SETD5: variants seen among roughly 807,000 people sequenced by gnomAD.
The protein encoded by SETD5 is SET domain containing 5, also known as histone-lysine N-methyltransferase SETD5.
A neutral mutation model predicts 153.3 loss-of-function variants in SETD5; 44 were observed. The ratio of observed to expected loss-of-function variants is 0.29; its 90% confidence interval spans 0.23 to 0.37. The LOEUF (loss-of-function observed/expected upper bound fraction) is 0.37. SETD5 is among the 10% of genes least tolerant of loss of function. The pLI is 1.00. For missense variants in SETD5, 1,544 were observed against 1,768.0 expected, an observed-to-expected ratio of 0.87 and a Z score of 2.27; for synonymous variants, 716 against 645.2, an observed-to-expected ratio of 1.11 and a Z score of -1.66.
At chr3:9,435,112 G>A (rs1464411982) in intron 6 of SETD5, among the ~76,000 whole-genome samples, 2 of 151,956 alleles carry the variant, frequency 1.3e-5, no homozygotes, top group Admixed American at 6.5e-5. Flanking sequence ...GTGTGGTGGC[G>A]CATGCCTGTA....
chr3:9,431,240 A>G, intron 3 of SETD5: 2 of 985,392 alleles, frequency 2.0e-6, no homozygotes, highest in Non-Finnish European at 2.4e-6. Flanking sequence ...CTCTACCATA[A>G]CAGAATTTCA....
intron 17 of SETD5, among the ~76,000 whole-genome samples, chr3:9,463,014 G>C (rs1387969980): frequency 6.8e-6 from 1 of 145,988 alleles, no homozygotes; most frequent in Non-Finnish European, 1.5e-5. Context: ...CACTTTTTTT[G>C]TTGTGTCGTT....
intron 1 of SETD5, among the ~76,000 whole-genome samples, chr3:9,419,240 CCT>C (rs1267330266): frequency 6.6e-6 from 1 of 152,160 alleles, no homozygotes; most frequent in East Asian, 1.9e-4. Flanking sequence ...ATAAAATAAA[CCT>C]CTTAAAATAG....
intron 13 of SETD5, 137 bp from the exon 14 acceptor site, chr3:9,446,912 CT>C: frequency 4.9e-6 from 3 of 611,304 alleles, no homozygotes; most frequent in Non-Finnish European, 8.5e-6. Context: ...TTTTAATCTT[CT>C]GTTTTCCAAG....
At chr3:9,412,033 T>G (rs774824063) in intron 1 of SETD5, among the ~76,000 whole-genome samples, 3 of 152,112 alleles carry the variant, frequency 2.0e-5, no homozygotes, top group African/African-American at 7.2e-5. Context: ...GAAATTGTAT[T>G]ATTTGTTGTG....
chr3:9,404,668 A>C lies in SETD5; in HGVS notation c.-177+6691A>C, dbSNP rs112862276. 4.8e-3 allele frequency among the ~76,000 whole-genome samples: 730 copies of C among 152,338 alleles called. 11 individuals are homozygous for C. The highest frequency in any genetic ancestry group is 0.017 in the African/African-American group (703 of 41,556). On this transcript the variant is annotated intron_variant, in intron 1 of 22. Coordinates refer to ENST00000402198, the MANE Select transcript of SETD5 (RefSeq NM_001080517.3). The stretch of plus-strand genomic sequence containing the variant: ...CTATGACCCACATTGCCAGTATTAA[A>C]CATCCTTTACACCCTCCCCCTTCCC...
intron 1 of SETD5, among the ~76,000 whole-genome samples, chr3:9,412,655 CAT>C (rs896889059): frequency 2.0e-5 from 3 of 151,602 alleles, no homozygotes; most frequent in African/African-American, 7.3e-5. Context: ...CAAGTGGTCT[CAT>C]ACCTCAGCCT....
At position 9,447,967 on chromosome 3, in the gene SETD5, T is replaced by A; in HGVS notation, c.2064T>A (p.His688Gln). 6.2e-7 allele frequency: 1 copy of A among 1,613,824 alleles called. No homozygotes were observed. The part of the protein sequence containing the change: ...DPTVVSITGS[H>Q]VNRAASKYPK... ...CTGTGGTGTCAATTACTGGATCCCA[T>A]GTCAACCGTGCTGCATCTAAATACC... Residue 688 changes from histidine (H) to glutamine (Q), a missense_variant, in exon 15 of 23, where the codon CAT (histidine) becomes CAA (glutamine). Around this residue, in one of 9 missense-constraint regions of SETD5, gnomAD observed 782 missense variants for 787.2 expected, o/e 0.99. Transcript: ENST00000402198.
chr3:9,452,780 A>G (rs1013068778), intron 16 of SETD5, among the ~76,000 whole-genome samples: 10 of 149,350 alleles, frequency 6.7e-5, no homozygotes, highest in African/African-American at 1.2e-4. Context: ...CCTGTAATAC[A>G]TGTTCTCTAA....
At chr3:9,467,423 C>A (rs1011908510) in intron 18 of SETD5, among the ~76,000 whole-genome samples, 1 of 151,906 alleles carries the variant, frequency 6.6e-6, no homozygotes, top group Non-Finnish European at 1.5e-5. Flanking sequence ...TTAGCCTCTC[C>A]TTTCTACCAG....
intron 10 of SETD5, 147 bp downstream of exon 10, chr3:9,442,392 G>C: frequency 3.1e-6 from 2 of 650,828 alleles, no homozygotes; most frequent in Non-Finnish European, 5.4e-6. Flanking sequence ...AAAAGTAATG[G>C]TGCTTTTATA....
chr3:9,475,036 G>C (rs1272454975), intron 21 of SETD5, 32 bp from the exon 22 acceptor site: 1 of 1,537,584 alleles, frequency 6.5e-7, no homozygotes, highest in African/African-American at 1.4e-5. Flanking sequence ...AAGAAGCCAA[G>C]TTGATTTTTT....
chr3:9,455,260 C>T (rs1024942831), intron 17 of SETD5, among the ~76,000 whole-genome samples: 1 of 149,458 alleles, frequency 6.7e-6, no homozygotes, highest in African/African-American at 2.5e-5. Flanking sequence ...CGCCCGCCAC[C>T]TCACCCGGCA....
At chr3:9,443,463 A>G (rs936639452) in intron 11 of SETD5, 46 bp downstream of exon 11, 4 of 1,037,662 alleles carry the variant, frequency 3.9e-6, no homozygotes, top group African/African-American at 3.3e-5. Flanking sequence ...CATGTCTTAC[A>G]TATTAAGCTA....
chr3:9,431,221 A>T (rs1191813828), intron 3 of SETD5: 5 of 985,278 alleles, frequency 5.1e-6, no homozygotes, highest in Non-Finnish European at 6.0e-6. Context: ...GATTTTTCTG[A>T]ATTTCCAACT....
intron 1 of SETD5, among the ~76,000 whole-genome samples, chr3:9,407,782 C>T (rs901626098): frequency 3.3e-5 from 5 of 152,118 alleles, no homozygotes; most frequent in Non-Finnish European, 7.4e-5. Flanking sequence ...GGGCAGATCA[C>T]CTGAGGTCTG....
At position 9,434,123 on chromosome 3, in the gene SETD5, C is replaced by T. The variant is rs1032271253; in HGVS notation, c.177+173C>T. The stretch of plus-strand genomic sequence containing the variant: ...TGCATCATTGTTCTTGTTTTTATGT[C>T]CCAGTTGACCTTGGCATTTTGTTTT... On this transcript the variant is annotated intron_variant, in intron 4 of 22. Coordinates refer to ENST00000402198, the MANE Select transcript of SETD5 (RefSeq NM_001080517.3). This position sits in a 1 kb window ranked among gnomAD's most constrained non-coding sequence, Gnocchi z 5.6. 1 of 1,549,688 alleles carries T rather than the reference C, an allele frequency of 6.5e-7. No homozygotes were observed.
intron 1 of SETD5, among the ~76,000 whole-genome samples, chr3:9,401,504 AACTG>A (rs2034775116): frequency 6.6e-6 from 1 of 152,192 alleles, no homozygotes; most frequent in Non-Finnish European, 1.5e-5. Context: ...TGTGTCCAGG[AACTG>A]ACTTTCTGAA....
intron 17 of SETD5, among the ~76,000 whole-genome samples, chr3:9,459,697 C>T (rs58804127): frequency 7.4e-6 from 1 of 134,658 alleles, no homozygotes; most frequent in South Asian, 2.3e-4. Context: ...CCAGCCTGGG[C>T]GACAGCGAGA....
Sources: allele counts gnomAD v4.1 joint callset (sites outside exome capture counted in the v4.1 genomes callset), GRCh38; gene constraint gnomAD v4.1.1; regional missense constraint gnomAD v4.1.1; non-coding constraint Gnocchi (gnomAD v3.1); transcripts MANE v1.5; gene names NCBI Gene and HGNC (gene_info 2026-07-23, HGNC 2026-07-21).